The following CACHD1 variants were observed in gnomAD, a reference collection of about 807,000 sequenced individuals.
CACHD1 encodes the protein cache domain containing 1, also known as VWFA and cache domain-containing protein 1.
CACHD1 carries 71 observed loss-of-function variants against 138.7 expected under a neutral mutation model. That is an observed-to-expected ratio of 0.51 (90% CI 0.42 to 0.62). The LOEUF (loss-of-function observed/expected upper bound fraction) is 0.62. CACHD1 is among the 20% of genes least tolerant of loss of function. CACHD1 has a pLI of 0.00. For missense variants in CACHD1, 1,389 were observed against 1,625.3 expected, an observed-to-expected ratio of 0.85 and a Z score of 2.50; for synonymous variants, 578 against 591.5, an observed-to-expected ratio of 0.98 and a Z score of 0.33.
At chr1:64,495,246 A>G (rs1447826033) in intron 1 of CACHD1, among the ~76,000 whole-genome samples, 2 of 152,120 alleles carry the variant, frequency 1.3e-5, no homozygotes, top group Admixed American at 6.5e-5. Flanking sequence ...ATGAATGAAA[A>G]TGCAAAGTAT....
intron 1 of CACHD1, among the ~76,000 whole-genome samples, chr1:64,510,635 T>C (rs1172396007): frequency 2.0e-5 from 3 of 152,200 alleles, no homozygotes; most frequent in South Asian, 4.1e-4. Context: ...AATAACTCTT[T>C]CTTTTTTCTG....
chr1:64,594,253 TAAA>T (rs5774710), intron 3 of CACHD1, among the ~76,000 whole-genome samples: 3 of 138,004 alleles, frequency 2.2e-5, no homozygotes, highest in Non-Finnish European at 3.1e-5. Context: ...AAACTTTGTC[TAAA>T]AAAAAAAAAA....
intron 13 of CACHD1, among the ~76,000 whole-genome samples, chr1:64,663,415 G>A (rs773036385): frequency 3.2e-4 from 49 of 152,126 alleles, no homozygotes; most frequent in Non-Finnish European, 6.3e-4. Flanking sequence ...GCCGGGCGTG[G>A]TGGCGGTTGC....
chr1:64,692,254 C>T lies in CACHD1; in HGVS notation c.*693C>T, dbSNP rs1016435080. ...CTCTATTTCTTATTTAACTGATATCCCACTGCCCCACTCCACAAAATAGGA... is the reference window on the plus strand; with the variant it reads ...CTCTATTTCTTATTTAACTGATATCTCACTGCCCCACTCCACAAAATAGGA... On this transcript the variant is annotated 3_prime_UTR_variant, in exon 27 of 27. Coordinates refer to ENST00000651257, the MANE Select transcript of CACHD1 (RefSeq NM_020925.4). The T allele has an allele frequency of 1.3e-5, 2 of 152,228 alleles. No homozygotes were observed. The highest frequency in any genetic ancestry group is 2.4e-5 in the African/African-American group (1 of 41,404). 9.4% of individuals were successfully genotyped at this position (152,228 alleles called of 1,614,324 possible).
intron 1 of CACHD1, among the ~76,000 whole-genome samples, chr1:64,513,404 T>A (rs1217525308): frequency 6.6e-6 from 1 of 152,214 alleles, no homozygotes; most frequent in Non-Finnish European, 1.5e-5. Flanking sequence ...GCCATAGAGC[T>A]ATAAGATAAC....
In CACHD1 at chr1:64,641,936, T is replaced by C; in HGVS notation, c.1123T>C (p.Ser375Pro). 1.2e-6 allele frequency: 2 copies of C among 1,600,198 alleles called. No individual in the cohort carries two copies. The highest frequency in any genetic ancestry group is 1.1e-5 in the South Asian group (1 of 87,978). ...TGAAGAAAATAGCTTTCTAAACAAC[T>C]CTGTAATGATTCTCACCTATGCCCT... ...INEENSFLNN[S>P]VMILTYALMN... is the part of the protein sequence containing the mutation. The change falls in exon 8 of 27, where the codon TCT becomes CCT. Residue 375 changes from serine (S) to proline (P), a missense_variant. By Grantham distance (74) the Ser-to-Pro change is moderately conservative. Around this residue, in one of 5 missense-constraint regions of CACHD1, gnomAD observed 1,000 missense variants for 1,114.7 expected, o/e 0.90. Coordinates refer to ENST00000651257, the MANE Select transcript of CACHD1 (RefSeq NM_020925.4).
At chr1:64,659,433 A>G (rs1170826738) in intron 13 of CACHD1, among the ~76,000 whole-genome samples, 3 of 152,226 alleles carry the variant, frequency 2.0e-5, no homozygotes, top group Non-Finnish European at 4.4e-5. Context: ...AAAGGAATCT[A>G]TGTAGCATAT....
In CACHD1 at chr1:64,471,052, A is replaced by C. The variant is rs1034175847; in HGVS notation, c.198+110A>C. 3.1e-5 allele frequency: 35 copies of C among 1,125,914 alleles called. No homozygotes were observed. In the South Asian group the frequency reaches 6.1e-4, roughly 20 times the overall value. The allele number at this position is 1,125,914 out of a possible 1,614,324, so 69.7% of individuals were successfully genotyped here. ...CTGTGTGCATCGGCTCCTTGCATAC[A>C]TAGAGCCCGGCTTCCCGTCGGACCC... On this transcript the variant is annotated intron_variant, in intron 1 of 26. Coordinates refer to ENST00000651257, the MANE Select transcript of CACHD1 (RefSeq NM_020925.4).
At chr1:64,610,891 A>T (rs1647507915) in intron 4 of CACHD1, among the ~76,000 whole-genome samples, 1 of 152,170 alleles carries the variant, frequency 6.6e-6, no homozygotes, top group Admixed American at 6.5e-5. Context: ...CCCCACCCCT[A>T]CAGCAAACTT....
chr1:64,549,680 G>A (rs925732765), intron 1 of CACHD1, among the ~76,000 whole-genome samples: 1 of 152,024 alleles, frequency 6.6e-6, no homozygotes, highest in Non-Finnish European at 1.5e-5. Context: ...GCAGCAGGAT[G>A]GAAAGGAAGA....
chr1:64,576,098 A>G (rs1362859540), intron 2 of CACHD1, among the ~76,000 whole-genome samples: 1 of 152,190 alleles, frequency 6.6e-6, no homozygotes, highest in Middle Eastern at 3.2e-3. Flanking sequence ...AATTGACCCA[A>G]AAGATGACAA....
At position 64,676,957 on chromosome 1, in the gene CACHD1, A is replaced by G. The variant is rs974714680; in HGVS notation, c.3038A>G (p.Gln1013Arg). The change falls in exon 22 of 27, where the codon CAA becomes CGA. Residue 1013 changes from glutamine (Q) to arginine (R), a missense_variant. Physicochemically the swap from Gln to Arg is conservative, Grantham distance 43. This residue lies in a region of CACHD1 where 250 missense variants were observed against 292.9 expected (regional missense o/e 0.85). Transcript: ENST00000651257. ...VTYTAIDPGL[Q>R]DALHQCVNSR... ...TACACAGCTATTGACCCTGGCCTGC[A>G]AGATGCTCTTCACCAGTGTGTCAAC... 7 of 1,613,958 alleles carry G rather than the reference A, an allele frequency of 4.3e-6. No homozygotes were observed. The highest frequency in any genetic ancestry group is 1.6e-4 in the Middle Eastern group (1 of 6,080).
chr1:64,488,669 G>A (rs1646257133), intron 1 of CACHD1, among the ~76,000 whole-genome samples: 1 of 152,156 alleles, frequency 6.6e-6, no homozygotes, highest in Admixed American at 6.5e-5. Flanking sequence ...TCAAAATTGT[G>A]TAGATAAACA....
intron 2 of CACHD1, among the ~76,000 whole-genome samples, chr1:64,575,218 A>G (rs2100520793): frequency 6.6e-6 from 1 of 152,308 alleles, no homozygotes; most frequent in East Asian, 1.9e-4. Context: ...ACTCATGAGG[A>G]ACTGATGCTA....
chr1:64,564,966 G>C (rs971579416), intron 2 of CACHD1, among the ~76,000 whole-genome samples: 3 of 151,518 alleles, frequency 2.0e-5, no homozygotes, highest in Admixed American at 6.6e-5. Context: ...CACTAGGCAG[G>C]TATTTAATAC....
rs34372401 is a variant in CACHD1 at position 64,603,099 on chromosome 1, C to CTTTTTTTT, written c.517+205_517+212dup. Among the ~76,000 whole-genome samples the CTTTTTTTT allele has an allele frequency of 3.5e-4, 23 of 64,940 alleles. 2 individuals carry two copies. The highest frequency in any genetic ancestry group is 1.1e-3 in the African/African-American group (22 of 20,166). The allele number at this position is 64,940 out of a possible 152,430, so 42.6% of individuals were successfully genotyped here. ...GAAGAAGAAAAAATCAAGCTTACAT[C>CTTTTTTTT]TTTTTTTTTTTTTTTTTTTTTTTTT... On this transcript the variant is annotated intron_variant, in intron 4 of 26. Transcript: ENST00000651257.
chr1:64,691,577 C>T lies in CACHD1; in HGVS notation c.*16C>T. The T allele has an allele frequency of 1.2e-6, 2 of 1,600,870 alleles. No individual in the cohort carries two copies. The highest frequency in any genetic ancestry group is 1.7e-6 in the Non-Finnish European group (2 of 1,168,048). ...AGAATGCTAACAATCTCCTCACCTC[C>T]ACGCCAAGATGAGATCTGGGAGCTA... On this transcript the variant is annotated 3_prime_UTR_variant, in exon 27 of 27. Coordinates refer to ENST00000651257, the MANE Select transcript of CACHD1 (RefSeq NM_020925.4).
At chr1:64,632,445 G>A (rs1476018869) in intron 5 of CACHD1, among the ~76,000 whole-genome samples, 154 bp from the exon 6 acceptor site, 1 of 152,044 alleles carries the variant, frequency 6.6e-6, no homozygotes, top group Non-Finnish European at 1.5e-5. Flanking sequence ...CACCAATATG[G>A]TTTCTCCTTC....
At chr1:64,477,633 T>A (rs449044) in intron 1 of CACHD1, among the ~76,000 whole-genome samples, 7,856 of 140,020 alleles carry the variant, frequency 0.056, 309 homozygotes, top group East Asian at 0.12. Context: ...TATTTTATTT[T>A]ATTTTTTTTT....
Sources: allele counts gnomAD v4.1 joint callset (sites outside exome capture counted in the v4.1 genomes callset), GRCh38; gene constraint gnomAD v4.1.1; regional missense constraint gnomAD v4.1.1; transcripts MANE v1.5; gene names NCBI Gene and HGNC (gene_info 2026-07-23, HGNC 2026-07-21).